Variants in KCNQ3 observed in about 807,000 individuals in gnomAD.
The protein encoded by KCNQ3 is potassium voltage-gated channel subfamily Q member 3.
KCNQ3 carries 30 observed loss-of-function variants against 92.5 expected under a neutral mutation model. The ratio of observed to expected loss-of-function variants is 0.32; its 90% CI spans 0.24 to 0.44. KCNQ3 has a LOEUF of 0.44. KCNQ3 is among the 20% of genes least tolerant of loss of function. The probability of loss-of-function intolerance (pLI) is 1.00; values close to 1 mark genes in which losing one functional copy is unlikely to be tolerated. For missense variants in KCNQ3, 913 were observed against 1,140.3 expected (o/e 0.80, Z 2.87); for synonymous variants, 450 against 468.8 (o/e 0.96, Z 0.52).
At chr8:132,300,638 A>G (rs1817183958) in intron 1 of KCNQ3, among the ~76,000 whole-genome samples, 1 of 152,170 alleles carries the variant, frequency 6.6e-6, no homozygotes, top group Admixed American at 6.5e-5. Flanking sequence ...GCAGGTGAGG[A>G]ATAGCTATGT....
chr8:132,166,595 G>A (rs1235743586), intron 8 of KCNQ3, among the ~76,000 whole-genome samples: 1 of 151,986 alleles, frequency 6.6e-6, no homozygotes, highest in African/African-American at 2.4e-5. Context: ...GGGCTCTCAG[G>A]TTTTTCTCAT....
chr8:132,137,913 G>C lies in KCNQ3; in HGVS notation c.1672C>G (p.Leu558Val). ...EQYSAGHLDMLSRIKYLQTRI... is the reference protein window; with the variant it reads ...EQYSAGHLDMVSRIKYLQTRI... Reference sequence around the variant, plus strand: ...GTCTGAAGGTACTTTATCCTGGAAAGCATGTCGAGATGCCCGGCAGAATAC... The same window carrying C: ...GTCTGAAGGTACTTTATCCTGGAAACCATGTCGAGATGCCCGGCAGAATAC... Residue 558 changes from leucine to valine, a missense_variant, in exon 12 of 15, where the codon CTT (leucine) becomes GTT (valine). Around this residue, in one of 6 missense-constraint regions of KCNQ3, gnomAD observed 182 missense variants for 234.5 expected, o/e 0.78. Coordinates refer to ENST00000388996, the MANE Select transcript of KCNQ3 (RefSeq NM_004519.4). 6.2e-7 allele frequency: 1 copy of C among 1,614,046 alleles called. No homozygotes were observed. The highest frequency in any genetic ancestry group is 8.5e-7 in the Non-Finnish European group (1 of 1,180,004).
intron 1 of KCNQ3, among the ~76,000 whole-genome samples, chr8:132,234,338 G>GCTT (rs1343166296): frequency 1.2e-5 from 1 of 85,668 alleles, no homozygotes; most frequent in Non-Finnish European, 2.3e-5. Context: ...TCCATGAAAA[G>GCTT]TTTTTTTTTT....
chr8:132,204,970 T>C (rs6984507), intron 1 of KCNQ3, among the ~76,000 whole-genome samples: 104,106 of 152,042 alleles, frequency 0.68, 36,307 homozygotes, highest in African/African-American at 0.77. Flanking sequence ...ACAGAGCATC[T>C]TACATGCACA....
At chr8:132,206,818 A>G (rs1813675173) in intron 1 of KCNQ3, among the ~76,000 whole-genome samples, 1 of 150,990 alleles carries the variant, frequency 6.6e-6, no homozygotes, top group African/African-American at 2.4e-5. Context: ...CTTTTGTGTT[A>G]TTTTTTCATT....
At chr8:132,317,932 A>G (rs1817789826) in intron 1 of KCNQ3, among the ~76,000 whole-genome samples, 1 of 152,028 alleles carries the variant, frequency 6.6e-6, no homozygotes, top group African/African-American at 2.4e-5. Flanking sequence ...TCAGTGGCTA[A>G]TAAATACAAT....
intron 1 of KCNQ3, among the ~76,000 whole-genome samples, chr8:132,214,712 C>G (rs1180556739): frequency 1.3e-5 from 2 of 152,238 alleles, no homozygotes; most frequent in Non-Finnish European, 1.5e-5. Flanking sequence ...ATGTTTATGT[C>G]ATTCCTTCAT....
At chr8:132,264,532 C>T (rs540278993) in intron 1 of KCNQ3, among the ~76,000 whole-genome samples, 1 of 152,308 alleles carries the variant, frequency 6.6e-6, no homozygotes, top group East Asian at 1.9e-4. Context: ...TTCAGACAGA[C>T]AGTGGCCTCC....
intron 1 of KCNQ3, among the ~76,000 whole-genome samples, chr8:132,471,809 A>C (rs1012405612): frequency 6.6e-6 from 1 of 152,210 alleles, no homozygotes; most frequent in African/African-American, 2.4e-5. Context: ...GTAGCAAATG[A>C]AACAATCAAC....
At chr8:132,345,570 G>A (rs929933505) in intron 1 of KCNQ3, among the ~76,000 whole-genome samples, 1 of 152,240 alleles carries the variant, frequency 6.6e-6, no homozygotes, top group African/African-American at 2.4e-5. Context: ...TATACAGTGA[G>A]AGCACATACT....
At chr8:132,450,675 A>G (rs1821799104) in intron 1 of KCNQ3, among the ~76,000 whole-genome samples, 1 of 152,210 alleles carries the variant, frequency 6.6e-6, no homozygotes, top group Admixed American at 6.5e-5. Flanking sequence ...ACCATCTCCC[A>G]CAGGCAGGCC....
chr8:132,170,119 C>T lies in KCNQ3; in HGVS notation c.1235+215G>A, dbSNP rs571011278. On this transcript the variant is annotated intron_variant, in intron 8 of 14. Coordinates refer to ENST00000388996, the MANE Select transcript of KCNQ3 (RefSeq NM_004519.4). Reference sequence around the variant, plus strand: ...AACTCCTGACCTCAGGTGATCCACCCGCCTCGGCCTCCCAAAGTGCTGGGA... The same window carrying T: ...AACTCCTGACCTCAGGTGATCCACCTGCCTCGGCCTCCCAAAGTGCTGGGA... Among the ~76,000 whole-genome samples, 134 of 152,228 alleles carry T rather than the reference C, an allele frequency of 8.8e-4. 1 individual carries two copies. Among genetic ancestry groups the T allele is most frequent in the African/African-American group, 3.2e-3 (134 of 41,548 alleles).
chr8:132,239,398 C>T (rs1286454628), intron 1 of KCNQ3, among the ~76,000 whole-genome samples: 2 of 152,206 alleles, frequency 1.3e-5, no homozygotes, highest in Non-Finnish European at 2.9e-5. Context: ...GTAAGTACCA[C>T]TAAGGTTACT....
Position 132,381,819 on chromosome 8 carries a change from C to T in KCNQ3, c.386+98328G>A, listed in dbSNP as rs574685999. On this transcript the variant is annotated intron_variant, in intron 1 of 14. Coordinates refer to ENST00000388996, the MANE Select transcript of KCNQ3 (RefSeq NM_004519.4). ...CCCTTTACTTTAGCTTAGTCCTCTC[C>T]CACAACCTTGTACACCAGGGGATCA... Among the ~76,000 whole-genome samples the T allele has an allele frequency of 1.6e-4, 24 of 152,300 alleles. 1 individual carries two copies. The South Asian group carries it at 4.4e-3, about 28-fold the overall frequency.
At chr8:132,229,832 A>C (rs1049706630) in intron 1 of KCNQ3, among the ~76,000 whole-genome samples, 1 of 152,174 alleles carries the variant, frequency 6.6e-6, no homozygotes. Flanking sequence ...GGTGGAGAGA[A>C]GCCCTAGGCT....
intron 1 of KCNQ3, among the ~76,000 whole-genome samples, chr8:132,303,599 A>ATATATATATATATAT (rs1817300879): frequency 7.1e-5 from 2 of 28,150 alleles, no homozygotes; most frequent in Admixed American, 5.9e-4. Context: ...GTATATATAT[A>ATATATATATATATAT]TGGTGTGTAT....
At chr8:132,386,176 AG>A (rs1819886892) in intron 1 of KCNQ3, among the ~76,000 whole-genome samples, 1 of 152,182 alleles carries the variant, frequency 6.6e-6, no homozygotes, top group Non-Finnish European at 1.5e-5. Flanking sequence ...TCAGAATTTA[AG>A]GGTGGTATCC....
At chr8:132,266,377 C>A (rs1353366805) in intron 1 of KCNQ3, among the ~76,000 whole-genome samples, 2 of 152,182 alleles carry the variant, frequency 1.3e-5, no homozygotes, top group African/African-American at 2.4e-5. Context: ...AAGAGCACAT[C>A]TTTTCTAGTA....
At chr8:132,325,129 C>A (rs146531754) in intron 1 of KCNQ3, among the ~76,000 whole-genome samples, 7 of 152,040 alleles carry the variant, frequency 4.6e-5, no homozygotes, top group African/African-American at 1.7e-4. Context: ...TGGTGATAGG[C>A]TGGCTTTCTC....
Sources: allele counts gnomAD v4.1 joint callset (sites outside exome capture counted in the v4.1 genomes callset), GRCh38; gene constraint gnomAD v4.1.1; regional missense constraint gnomAD v4.1.1; transcripts MANE v1.5; gene names NCBI Gene and HGNC (gene_info 2026-07-23, HGNC 2026-07-21).